Variants in P2RX3 observed in about 807,000 individuals in gnomAD.
The protein encoded by P2RX3 is P2X purinoceptor 3.
A neutral mutation model predicts 51.5 loss-of-function variants in P2RX3; 41 were observed. The observed-to-expected ratio is 0.80, with a 90% CI of 0.62 to 1.03. P2RX3 has a LOEUF of 1.03. P2RX3 is among the 50% of genes least tolerant of loss of function. P2RX3 has a pLI of 0.00. For synonymous variants in P2RX3, 185 were observed against 191.6 expected (o/e 0.97, Z 0.29); for missense variants, 459 against 522.1 (o/e 0.88, Z 1.18).
chr11:57,343,386 C>T (rs973090038), intron 1 of P2RX3, among the ~76,000 whole-genome samples: 3 of 152,308 alleles, frequency 2.0e-5, no homozygotes, highest in East Asian at 1.9e-4. Context: ...GCACAGGGTC[C>T]GGTTCAGGGG....
chr11:57,345,422 A>G (rs1565062759), intron 1 of P2RX3, among the ~76,000 whole-genome samples: 2 of 151,876 alleles, frequency 1.3e-5, no homozygotes, highest in East Asian at 3.9e-4. Flanking sequence ...GTTTGTTTAC[A>G]TCGTATGTTT....
chr11:57,368,846 G>C (rs1301964273), intron 10 of P2RX3, among the ~76,000 whole-genome samples: 2 of 152,136 alleles, frequency 1.3e-5, no homozygotes, highest in Admixed American at 6.5e-5. Context: ...TCCTCTCTCT[G>C]TGCAGCTGTG....
intron 1 of P2RX3, among the ~76,000 whole-genome samples, chr11:57,339,008 G>C (rs1038597099): frequency 7.2e-5 from 11 of 152,156 alleles, no homozygotes; most frequent in African/African-American, 2.7e-4. Context: ...TCCCCAACAA[G>C]AGAACAGGCA....
At chr11:57,366,724 T>C (rs1012469686) in intron 8 of P2RX3, among the ~76,000 whole-genome samples, 1 of 152,296 alleles carries the variant, frequency 6.6e-6, no homozygotes. Context: ...CAGACGCATC[T>C]GGTGAGTCTT....
intron 1 of P2RX3, among the ~76,000 whole-genome samples, chr11:57,341,411 A>G (rs1254595655): frequency 3.3e-5 from 5 of 151,892 alleles, no homozygotes; most frequent in Non-Finnish European, 7.4e-5. Context: ...GCAACACACC[A>G]CCTGGTCATC....
chr11:57,347,011 C>A, intron 2 of P2RX3, 105 bp from the exon 3 acceptor site: 2 of 1,253,058 alleles, frequency 1.6e-6, no homozygotes, highest in Non-Finnish European at 1.1e-6. Context: ...TCACTAGACA[C>A]AAGCCTTGCT....
intron 8 of P2RX3, among the ~76,000 whole-genome samples, chr11:57,362,948 A>G (rs1856743571): frequency 1.3e-5 from 2 of 152,252 alleles, no homozygotes; most frequent in South Asian, 4.1e-4. Flanking sequence ...GTAAATGTAG[A>G]TATTGTTTCA....
chr11:57,369,747 C>T (rs988786575), intron 11 of P2RX3, 137 bp from the exon 12 acceptor site: 10 of 689,128 alleles, frequency 1.5e-5, no homozygotes, highest in Non-Finnish European at 2.3e-5. Context: ...ATGGGAGGGG[C>T]CTTGGGATCA....
chr11:57,339,227 G>C (rs1856294829), intron 1 of P2RX3, among the ~76,000 whole-genome samples: 2 of 152,160 alleles, frequency 1.3e-5, no homozygotes, highest in African/African-American at 4.8e-5. Flanking sequence ...TGGTGAGAGA[G>C]AGAAGGGCAA....
At chr11:57,358,102 G>A (rs187288664) in intron 8 of P2RX3, among the ~76,000 whole-genome samples, 26 of 144,712 alleles carry the variant, frequency 1.8e-4, no homozygotes, top group African/African-American at 5.0e-4. Context: ...TTTGTACATC[G>A]TGATAAAAAA....
chr11:57,344,692 A>G (rs960200524), intron 1 of P2RX3, among the ~76,000 whole-genome samples: 5 of 152,124 alleles, frequency 3.3e-5, no homozygotes, highest in Admixed American at 6.5e-5. Flanking sequence ...CTCTGTCTCA[A>G]ATAATAATAA....
chr11:57,345,706 G>T (rs527626876), intron 1 of P2RX3, among the ~76,000 whole-genome samples: 1 of 152,136 alleles, frequency 6.6e-6, no homozygotes. Context: ...CCTTTTGCTC[G>T]AGGCCAGGAA....
chr11:57,360,463 C>T (rs1856697193), intron 8 of P2RX3, among the ~76,000 whole-genome samples: 1 of 152,050 alleles, frequency 6.6e-6, no homozygotes, highest in African/African-American at 2.4e-5. Context: ...TTACTCAACC[C>T]CCTACTGTGA....
chr11:57,355,575 A>G (rs1213106455), intron 8 of P2RX3, among the ~76,000 whole-genome samples: 1 of 152,110 alleles, frequency 6.6e-6, no homozygotes, highest in Non-Finnish European at 1.5e-5. Context: ...TCCTAACTTC[A>G]AGTAATCCAC....
intron 8 of P2RX3, among the ~76,000 whole-genome samples, chr11:57,365,919 C>T (rs1483535720): frequency 6.6e-6 from 1 of 152,190 alleles, no homozygotes; most frequent in Non-Finnish European, 1.5e-5. Context: ...GCAAATATCC[C>T]TGTCAGGAGC....
At chr11:57,358,452 A>G (rs1856664244) in intron 8 of P2RX3, among the ~76,000 whole-genome samples, 1 of 152,268 alleles carries the variant, frequency 6.6e-6, no homozygotes, top group African/African-American at 2.4e-5. Context: ...TGCTTATACA[A>G]AAGAAATATA....
rs767116491 is a variant in P2RX3 at position 57,369,361 on chromosome 11, G to C, written c.1003G>C (p.Gly335Arg). The change falls in exon 11 of 12, where the codon GGA (glycine) becomes CGA (arginine). Residue 335 changes from glycine (G) to arginine (R), a missense_variant and splice_region_variant. Gly to Arg is a moderately radical substitution (Grantham distance 125). Coordinates refer to ENST00000263314, the MANE Select transcript of P2RX3 (RefSeq NM_002559.5). Reference protein sequence around the residue: ...SVAAFTSVGVGTVLCDIILLN... With the variant: ...SVAAFTSVGVRTVLCDIILLN... Reference sequence around the variant, plus strand: ...GCCCGCCCTGCCTCTCCTCCTCCAGGGAACTGTTCTCTGTGACATCATCCT... The same window carrying C: ...GCCCGCCCTGCCTCTCCTCCTCCAGCGAACTGTTCTCTGTGACATCATCCT... 1.9e-6 allele frequency: 3 copies of C among 1,608,642 alleles called. No homozygotes were observed. Among genetic ancestry groups the C allele is most frequent in the Non-Finnish European group, 2.5e-6 (3 of 1,177,860 alleles).
chr11:57,348,139 A>G (rs1856475405), intron 4 of P2RX3, 31 bp from the exon 5 acceptor site: 1 of 1,544,738 alleles, frequency 6.5e-7, no homozygotes, highest in Non-Finnish European at 8.8e-7. Flanking sequence ...AAGGGCAGGC[A>G]GCCACCCAGC....
chr11:57,346,148 A>T (rs1006868241), intron 1 of P2RX3, among the ~76,000 whole-genome samples: 2 of 152,214 alleles, frequency 1.3e-5, no homozygotes, highest in African/African-American at 2.4e-5. Flanking sequence ...GGCCCCCATC[A>T]GCAGCATGGA....
Sources: allele counts gnomAD v4.1 joint callset (sites outside exome capture counted in the v4.1 genomes callset), GRCh38; gene constraint gnomAD v4.1.1; transcripts MANE v1.5; gene names NCBI Gene and HGNC (gene_info 2026-07-23, HGNC 2026-07-21).